JAKMIP1: variants seen among roughly 807,000 people sequenced by gnomAD.
The protein encoded by JAKMIP1 is janus kinase and microtubule interacting protein 1.
In JAKMIP1, 33 loss-of-function variants were observed where a neutral mutation model predicts 113.0. The ratio of observed to expected loss-of-function variants is 0.29; its 90% confidence interval spans 0.22 to 0.39. The LOEUF (loss-of-function observed/expected upper bound fraction) is 0.39. Among genes scored for constraint, JAKMIP1 ranks in the 10% least tolerant of loss-of-function variants. The probability of loss-of-function intolerance (pLI) is 1.00; values close to 1 mark genes in which losing one functional copy is unlikely to be tolerated. For synonymous variants in JAKMIP1, 480 were observed against 459.9 expected (o/e 1.04, Z -0.56); for missense variants, 813 against 1,080.5 (o/e 0.75, Z 3.47).
In JAKMIP1 at chr4:6,085,608, C is replaced by T; in HGVS notation, c.646G>A (p.Asp216Asn). The T allele has an allele frequency of 6.2e-7, 1 of 1,614,158 alleles. No individual in the cohort carries two copies. The highest frequency in any genetic ancestry group is 1.1e-5 in the South Asian group (1 of 91,090). The part of the protein sequence containing the change: ...RRLMDEIKGK[D>N]RVILALEKEL... ...TTCTCCAAGGCCAGAATCACACGGT[C>T]TTTCCCTTTGATCTCATCCATCTGA... The change falls in exon 4 of 21, where the codon GAC becomes AAC. Residue 216 changes from aspartate to asparagine, a missense_variant. By Grantham distance (23) the Asp-to-Asn change is conservative. This residue lies in a region of JAKMIP1 where 540 missense variants were observed against 653.9 expected (regional missense o/e 0.83). Transcript: ENST00000409021.
At chr4:6,126,554 C>T (rs1266804161) in intron 1 of JAKMIP1, among the ~76,000 whole-genome samples, 1 of 149,702 alleles carries the variant, frequency 6.7e-6, no homozygotes, top group African/African-American at 2.5e-5. Context: ...CACACAAACA[C>T]ACACCATGCA....
intron 1 of JAKMIP1, among the ~76,000 whole-genome samples, chr4:6,114,151 T>C (rs780959842): frequency 6.6e-6 from 1 of 152,168 alleles, no homozygotes; most frequent in Non-Finnish European, 1.5e-5. Flanking sequence ...GATTAGATTA[T>C]GTAGGGAATG....
rs182839410 is a variant in JAKMIP1 at position 6,094,093 on chromosome 4, G to A, written c.625-8464C>T. Among the ~76,000 whole-genome samples the A allele has an allele frequency of 9.2e-5, 14 of 152,190 alleles. No individual in the cohort carries two copies. Among genetic ancestry groups the A allele is most frequent in the Non-Finnish European group, 1.8e-4 (12 of 68,002 alleles). On this transcript the variant is annotated intron_variant, in intron 3 of 20. Transcript: ENST00000409021. The surrounding 1 kb of genome is among the most constrained non-coding windows in gnomAD (Gnocchi z 4.2). ...AGCCATGGCCCCCCAGGACTCCCCC[G>A]AGAGGCTGGCCCAGCAGGCATCTAT... is the stretch of plus-strand genomic sequence containing the variant.
chr4:6,047,189 G>A (rs114966357), intron 16 of JAKMIP1, among the ~76,000 whole-genome samples: 4 of 152,328 alleles, frequency 2.6e-5, no homozygotes, highest in Non-Finnish European at 5.9e-5. Flanking sequence ...TAGCCAAGAC[G>A]CAAGCCAGGA....
rs544347661 is a variant in JAKMIP1, at chr4:6,111,191, C to T, written c.129+1531G>A. 5.1e-4 allele frequency among the ~76,000 whole-genome samples: 77 copies of T among 152,262 alleles called. 1 individual carries two copies. Among genetic ancestry groups the T allele is most frequent in the African/African-American group, 1.7e-3 (72 of 41,566 alleles). On this transcript the variant is annotated intron_variant, in intron 2 of 20. Transcript: ENST00000409021. ...TGGATCTGGCCCAGCACTCCATTGG[C>T]GACCTGAGTCCCAGCTCAACAAGAC...
intron 1 of JAKMIP1, among the ~76,000 whole-genome samples, chr4:6,173,273 A>G (rs193170931): frequency 5.3e-5 from 8 of 152,380 alleles, no homozygotes; most frequent in Non-Finnish European, 8.8e-5. Context: ...TTACAAGGCA[A>G]TCAAACTCTA....
In JAKMIP1 at chr4:6,042,920, C is replaced by T. The variant is rs943116730; in HGVS notation, c.2029-693G>A. 5.3e-5 allele frequency among the ~76,000 whole-genome samples: 8 copies of T among 151,970 alleles called. No individual in the cohort carries two copies. The highest frequency in any genetic ancestry group is 3.9e-4 in the East Asian group (2 of 5,150). ...TGAACAGGCGGGGCGTGCACCTGAGCGGCAGGTAAGGGAGTGGGAGCTCTG... is the reference window on the plus strand; with the variant it reads ...TGAACAGGCGGGGCGTGCACCTGAGTGGCAGGTAAGGGAGTGGGAGCTCTG... On this transcript the variant is annotated intron_variant, in intron 16 of 20. Coordinates refer to ENST00000409021, the MANE Select transcript of JAKMIP1 (RefSeq NM_001099433.2). This position sits in a 1 kb window ranked among gnomAD's most constrained non-coding sequence, Gnocchi z 5.2.
rs112768780 is a variant in JAKMIP1 at position 6,158,068 on chromosome 4, C to T, written c.-148+42185G>A. ...TAGGGCTCAAGCTGTCGGCCAGCGC[C>T]GTCCCTCTCCCTGTGTGAGACGCTG... On this transcript the variant is annotated intron_variant, in intron 1 of 20. Coordinates refer to ENST00000409021, the MANE Select transcript of JAKMIP1 (RefSeq NM_001099433.2). This position sits in a 1 kb window ranked among gnomAD's most constrained non-coding sequence, Gnocchi z 5.3. 0.013 allele frequency among the ~76,000 whole-genome samples: 1,988 copies of T among 152,276 alleles called. 24 individuals carry two copies. The highest frequency in any genetic ancestry group is 0.052 in the South Asian group (252 of 4,822).
intron 5 of JAKMIP1, among the ~76,000 whole-genome samples, chr4:6,082,773 A>G (rs1263425782): frequency 6.6e-6 from 1 of 152,194 alleles, no homozygotes; most frequent in East Asian, 1.9e-4. Flanking sequence ...AAGTGCTGAG[A>G]TTACAGGCAT....
At position 6,056,840 on chromosome 4, in the gene JAKMIP1, C is replaced by T. The variant is rs939881027; in HGVS notation, c.1645-81G>A. On this transcript the variant is annotated intron_variant, in intron 11 of 20. Coordinates refer to ENST00000409021, the MANE Select transcript of JAKMIP1 (RefSeq NM_001099433.2). ...AACAAACTTTTAGTGAGAAAGGTCA[C>T]TTTCTATGAAACTGACCATGGAAAG... 9.4e-5 allele frequency: 88 copies of T among 941,160 alleles called. No homozygotes were observed. The African/African-American group carries it at 1.2e-3, about 13-fold the overall frequency. The allele number at this position is 941,160 out of a possible 1,614,324, so 58.3% of individuals were successfully genotyped here. A position where few individuals can be genotyped will look rare whatever the true frequency, so the allele number is the denominator to read the frequency against.
rs978896040 is a variant in JAKMIP1 at position 6,143,115 on chromosome 4, G to A, written c.-147-30118C>T. Among the ~76,000 whole-genome samples, 5 of 152,188 alleles carry A rather than the reference G, an allele frequency of 3.3e-5. No homozygotes were observed. Among genetic ancestry groups the A allele is most frequent in the Non-Finnish European group, 7.3e-5 (5 of 68,050 alleles). ...AGTTTCTCAGCCTCTCTGAGCCTCT[G>A]CCACCCACCTATTAAGCAGAAAGCA... On this transcript the variant is annotated intron_variant, in intron 1 of 20. Transcript: ENST00000409021. This position sits in a 1 kb window ranked among gnomAD's most constrained non-coding sequence, Gnocchi z 4.9.
chr4:6,161,030 G>A (rs1722862506), intron 1 of JAKMIP1, among the ~76,000 whole-genome samples: 1 of 113,504 alleles, frequency 8.8e-6, no homozygotes, highest in Admixed American at 9.4e-5. Flanking sequence ...TCACCTCCCT[G>A]ACCTCCACTC....
chr4:6,187,257 G>T lies in JAKMIP1; in HGVS notation c.-148+12996C>A, dbSNP rs1180316362. ...TATAAAATGTTACTTTTTATCTCTA[G>T]TAACTTTTTTTGTTTTAAACTCATT... On this transcript the variant is annotated intron_variant, in intron 1 of 20. Transcript: ENST00000409021. This position sits in a 1 kb window ranked among gnomAD's most constrained non-coding sequence, Gnocchi z 4.2. Among the ~76,000 whole-genome samples the T allele has an allele frequency of 6.6e-6, 1 of 152,142 alleles. No homozygotes were observed. Among genetic ancestry groups the T allele is most frequent in the East Asian group, 1.9e-4 (1 of 5,196 alleles).
Position 6,106,103 on chromosome 4 carries a change from C to T in JAKMIP1, c.130-136G>A. 1.6e-6 allele frequency: 1 copy of T among 622,854 alleles called. No individual in the cohort carries two copies. Among genetic ancestry groups the T allele is most frequent in the Non-Finnish European group, 2.8e-6 (1 of 358,852 alleles). The allele number at this position is 622,854 out of a possible 1,614,324, so 38.6% of individuals were successfully genotyped here. Reference sequence around the variant, plus strand: ...ACCTGGGCCCACGTTCCCATGGATTCCCCCTTCGGCAGTGCCCTGCAGGCC... The same window carrying T: ...ACCTGGGCCCACGTTCCCATGGATTTCCCCTTCGGCAGTGCCCTGCAGGCC... On this transcript the variant is annotated intron_variant, in intron 2 of 20. Coordinates refer to ENST00000409021, the MANE Select transcript of JAKMIP1 (RefSeq NM_001099433.2). The surrounding 1 kb of genome is among the most constrained non-coding windows in gnomAD (Gnocchi z 5.9).
At position 6,158,718 on chromosome 4, in the gene JAKMIP1, A is replaced by C. The variant is rs1437022840; in HGVS notation, c.-148+41535T>G. On this transcript the variant is annotated intron_variant, in intron 1 of 20. Transcript: ENST00000409021. This position sits in a 1 kb window ranked among gnomAD's most constrained non-coding sequence, Gnocchi z 5.3. ...TTTGGTTTGAAAATTTATTGGATAA[A>C]AATAGGGCAATTCGATTGATCAATG... is the stretch of plus-strand genomic sequence containing the variant. 6.6e-6 allele frequency among the ~76,000 whole-genome samples: 1 copy of C among 152,154 alleles called. No individual in the cohort carries two copies. The highest frequency in any genetic ancestry group is 1.9e-4 in the East Asian group (1 of 5,192).
chr4:6,120,026 A>C (rs898289639), intron 1 of JAKMIP1, among the ~76,000 whole-genome samples: 10 of 152,214 alleles, frequency 6.6e-5, no homozygotes, highest in African/African-American at 2.2e-4. Context: ...CCAGCCCATC[A>C]CCAAGAAGTC....
rs1263558553 is a variant in JAKMIP1 at position 6,156,647 on chromosome 4, C to A, written c.-148+43606G>T. Among the ~76,000 whole-genome samples the A allele has an allele frequency of 1.3e-5, 2 of 152,332 alleles. No homozygotes were observed. The highest frequency in any genetic ancestry group is 2.1e-4 in the South Asian group (1 of 4,830). ...TGTGGAAGGCTTTCATCTGTCTTCA[C>A]CCAGGAAATGTCTGACAGCATCCGC... On this transcript the variant is annotated intron_variant, in intron 1 of 20. Transcript: ENST00000409021. This position sits in a 1 kb window ranked among gnomAD's most constrained non-coding sequence, Gnocchi z 5.0.
Position 6,183,443 on chromosome 4 carries a change from C to A in JAKMIP1, c.-148+16810G>T, listed in dbSNP as rs1726273751. ...ACAGTGAGCCAAGATCATGCCATTG[C>A]ACTCCAGCCTGGGTGACAGAGCAAG... is the stretch of plus-strand genomic sequence containing the variant. On this transcript the variant is annotated intron_variant, in intron 1 of 20. Coordinates refer to ENST00000409021, the MANE Select transcript of JAKMIP1 (RefSeq NM_001099433.2). This position sits in a 1 kb window ranked among gnomAD's most constrained non-coding sequence, Gnocchi z 5.3. 7.5e-6 allele frequency among the ~76,000 whole-genome samples: 1 copy of A among 133,410 alleles called. No homozygotes were observed. The highest frequency in any genetic ancestry group is 2.2e-4 in the East Asian group (1 of 4,564). 87.5% of individuals were successfully genotyped at this position (133,410 alleles called of 152,430 possible). A position where few individuals can be genotyped will look rare whatever the true frequency, so the allele number is the denominator to read the frequency against.
At chr4:6,111,084 A>C (rs2108886738) in intron 2 of JAKMIP1, among the ~76,000 whole-genome samples, 1 of 151,740 alleles carries the variant, frequency 6.6e-6, no homozygotes, top group South Asian at 2.1e-4. Context: ...CTGGTCCAGA[A>C]CTCAGCCTCT....
Sources: gnomAD v4.1 joint callset for allele counts (sites outside exome capture counted in the v4.1 genomes callset) on GRCh38, gnomAD v4.1.1 for gene constraint, gnomAD v4.1.1 regional missense constraint, Gnocchi (gnomAD v3.1) non-coding constraint, MANE v1.5 for transcripts, NCBI Gene and HGNC (gene_info 2026-07-23, HGNC 2026-07-21) for gene names.